The following SCAPER variants were observed in gnomAD, a reference collection of about 807,000 sequenced individuals.
SCAPER encodes the protein S phase cyclin A-associated protein in the endoplasmic reticulum.
A neutral mutation model predicts 182.2 loss-of-function variants in SCAPER; 98 were observed. The ratio of observed to expected loss-of-function variants is 0.54; its 90% CI spans 0.46 to 0.64. The LOEUF (loss-of-function observed/expected upper bound fraction) is 0.64, where lower values mean the gene tolerates loss of function less well. SCAPER is among the 30% of genes least tolerant of loss of function. The pLI is 0.00. For missense variants in SCAPER, 1,432 were observed against 1,690.0 expected (o/e 0.85, Z 2.68); for synonymous variants, 605 against 564.6 (o/e 1.07, Z -1.01).
intron 7 of SCAPER, chr15:76,797,554 G>A (rs2065416667): frequency 6.6e-6 from 1 of 152,188 alleles, no homozygotes; most frequent in Non-Finnish European, 1.5e-5. Context: ...GACTGGCCTT[G>A]AGGCTCTAAG....
chr15:76,547,617 T>C (rs1227933836), intron 23 of SCAPER, among the ~76,000 whole-genome samples: 4 of 152,128 alleles, frequency 2.6e-5, no homozygotes, highest in African/African-American at 9.7e-5. Context: ...CTTTTTCACA[T>C]ATAGGTATTT....
rs551876969 is a variant in SCAPER, at chr15:76,585,498, T to C, written c.2712-11214A>G. The stretch of plus-strand genomic sequence containing the variant: ...CTTCAGCTTTTGGCTAATGTCTGCA[T>C]ACCATGTAACTAAATATGCAGCCAT... On this transcript the variant is annotated intron_variant, in intron 22 of 31. Coordinates refer to ENST00000563290, the MANE Select transcript of SCAPER (RefSeq NM_020843.4). Among the ~76,000 whole-genome samples the C allele has an allele frequency of 4.1e-4, 63 of 152,262 alleles. No homozygotes were observed. The South Asian group carries it at 0.013, about 31-fold the overall frequency.
At chr15:76,851,237 G>C (rs12591660) in intron 4 of SCAPER, among the ~76,000 whole-genome samples, 33,803 of 151,858 alleles carry the variant, frequency 0.22, 4,718 homozygotes, top group Admixed American at 0.35. Flanking sequence ...AAAGGATGGG[G>C]AGAAAACAAA....
chr15:76,665,863 C>G lies in SCAPER; in HGVS notation c.2509-74G>C. 4.0e-6 allele frequency: 5 copies of G among 1,256,930 alleles called. No homozygotes were observed. The South Asian group carries it at 8.6e-5, about 22-fold the overall frequency. The allele number at this position is 1,256,930 out of a possible 1,614,324, so 77.9% of individuals were successfully genotyped here. A position where few individuals can be genotyped will look rare whatever the true frequency, so the allele number is the denominator to read the frequency against. Reference sequence around the variant, plus strand: ...TATAATATAGGATTGCTATAGACTACAGTGAGTTTAAGACATTTGATGAAA... The same window carrying G: ...TATAATATAGGATTGCTATAGACTAGAGTGAGTTTAAGACATTTGATGAAA... On this transcript the variant is annotated intron_variant, in intron 20 of 31. Transcript: ENST00000563290.
chr15:76,563,811 C>T (rs1386654665), intron 23 of SCAPER, among the ~76,000 whole-genome samples: 3 of 152,144 alleles, frequency 2.0e-5, no homozygotes, highest in Non-Finnish European at 4.4e-5. Context: ...AGCTTATCCA[C>T]CATGATGAAG....
intron 22 of SCAPER, among the ~76,000 whole-genome samples, chr15:76,590,775 T>C (rs890723588): frequency 9.2e-5 from 14 of 152,202 alleles, no homozygotes; most frequent in Non-Finnish European, 2.1e-4. Flanking sequence ...AGGAAAGATA[T>C]GGAATCAACC....
intron 29 of SCAPER, among the ~76,000 whole-genome samples, chr15:76,358,376 C>G (rs2041155265): frequency 6.6e-6 from 1 of 152,182 alleles, no homozygotes; most frequent in Non-Finnish European, 1.5e-5. Flanking sequence ...TTTATAGATT[C>G]AATACAAAAC....
intron 4 of SCAPER, among the ~76,000 whole-genome samples, chr15:76,857,000 G>A (rs2071439131): frequency 6.6e-6 from 1 of 152,132 alleles, no homozygotes; most frequent in Non-Finnish European, 1.5e-5. Context: ...TTTTATTAGA[G>A]CTATTTAAAA....
intron 17 of SCAPER, among the ~76,000 whole-genome samples, chr15:76,719,448 T>A (rs977340883): frequency 2.0e-5 from 3 of 152,114 alleles, no homozygotes; most frequent in Non-Finnish European, 4.4e-5. Context: ...TGCAGATATG[T>A]AAGATGAACA....
rs578241364 is a variant in SCAPER at position 76,483,853 on chromosome 15, G to T, written c.2955-12518C>A. 2.6e-5 allele frequency among the ~76,000 whole-genome samples: 4 copies of T among 152,274 alleles called. No individual in the cohort carries two copies. In the South Asian group the frequency reaches 8.3e-4, roughly 32 times the overall value. ...AAAGTACTTGACATCAGAAATGCGG[G>T]TGAGTATGTGGAGGAACAGGAGCTC... is the stretch of plus-strand genomic sequence containing the variant. On this transcript the variant is annotated intron_variant, in intron 24 of 31. Coordinates refer to ENST00000563290, the MANE Select transcript of SCAPER (RefSeq NM_020843.4).
intron 22 of SCAPER, 53 bp downstream of exon 22, chr15:76,621,711 T>G (rs2052077055): frequency 7.2e-7 from 1 of 1,394,932 alleles, no homozygotes; most frequent in African/African-American, 1.4e-5. Context: ...GAGATACACT[T>G]TTGTTACAGG....
At chr15:76,797,617 T>G (rs2065423998) in intron 7 of SCAPER, 1 of 152,214 alleles carries the variant, frequency 6.6e-6, no homozygotes. Context: ...GCATTCAAAG[T>G]ATGTCCCAAC....
At chr15:76,809,723 T>C (rs986453269) in intron 5 of SCAPER, among the ~76,000 whole-genome samples, 2 of 152,012 alleles carry the variant, frequency 1.3e-5, no homozygotes, top group African/African-American at 4.8e-5. Context: ...CAAACCTGGG[T>C]GAGGAACTAG....
chr15:76,584,062 T>C (rs2048455889), intron 22 of SCAPER, among the ~76,000 whole-genome samples: 1 of 152,170 alleles, frequency 6.6e-6, no homozygotes, highest in African/African-American at 2.4e-5. Flanking sequence ...ATGTAGTATA[T>C]GTACAGAATG....
intron 24 of SCAPER, among the ~76,000 whole-genome samples, chr15:76,475,736 C>A (rs548060827): frequency 6.6e-6 from 1 of 152,180 alleles, no homozygotes; most frequent in Non-Finnish European, 1.5e-5. Context: ...GGAGACCCAG[C>A]GACCTACCCT....
intron 29 of SCAPER, among the ~76,000 whole-genome samples, chr15:76,359,359 C>G (rs139785000): frequency 1.8e-4 from 27 of 152,320 alleles, no homozygotes; most frequent in African/African-American, 6.3e-4. Flanking sequence ...CCTGCCTGCA[C>G]GAGAGAGCTG....
chr15:76,547,780 T>C (rs1276621328), intron 23 of SCAPER, among the ~76,000 whole-genome samples: 2 of 152,144 alleles, frequency 1.3e-5, no homozygotes, highest in African/African-American at 4.8e-5. Context: ...ATTTGTGGGC[T>C]AATATTTTCC....
intron 26 of SCAPER, among the ~76,000 whole-genome samples, chr15:76,422,438 A>T (rs1343050062): frequency 6.6e-6 from 1 of 152,168 alleles, no homozygotes; most frequent in Non-Finnish European, 1.5e-5. Context: ...ACTGGAGTAT[A>T]AGAATGCTTA....
intron 1 of SCAPER, among the ~76,000 whole-genome samples, chr15:76,902,894 T>TA (rs1229930787): frequency 3.3e-5 from 5 of 151,862 alleles, no homozygotes; most frequent in Non-Finnish European, 7.4e-5. Context: ...CGGTCTCTAC[T>TA]AAAAATACAA....
Sources: allele counts gnomAD v4.1 joint callset (sites outside exome capture counted in the v4.1 genomes callset), GRCh38; gene constraint gnomAD v4.1.1; transcripts MANE v1.5; gene names NCBI Gene and HGNC (gene_info 2026-07-23, HGNC 2026-07-21).